Variants in CDH10 observed in about 807,000 individuals in gnomAD.
CDH10 encodes cadherin 10.
CDH10 carries 30 observed loss-of-function variants against 73.1 expected under a neutral mutation model. The ratio of observed to expected loss-of-function variants is 0.41; its 90% CI spans 0.31 to 0.56. CDH10 has a LOEUF of 0.56. Among genes scored for constraint, CDH10 ranks in the 20% least tolerant of loss-of-function variants. CDH10 has a pLI of 0.27. For synonymous variants in CDH10, 345 were observed against 348.2 expected, an observed-to-expected ratio of 0.99 and a Z score of 0.10; for missense variants, 815 against 973.7, an observed-to-expected ratio of 0.84 and a Z score of 2.17.
At chr5:24,633,600 G>T (rs1401120757) in intron 1 of CDH10, among the ~76,000 whole-genome samples, 1 of 151,878 alleles carries the variant, frequency 6.6e-6, no homozygotes, top group Non-Finnish European at 1.5e-5. Flanking sequence ...TTTTCCTTGA[G>T]AAGGTTAAAT....
intron 1 of CDH10, among the ~76,000 whole-genome samples, chr5:24,613,689 C>T (rs935259412): frequency 1.3e-5 from 2 of 151,982 alleles, no homozygotes; most frequent in Non-Finnish European, 2.9e-5. Flanking sequence ...AAATAAACTT[C>T]GAGGCACATG....
At chr5:24,589,205 G>A (rs1746122358) in intron 2 of CDH10, among the ~76,000 whole-genome samples, 1 of 152,132 alleles carries the variant, frequency 6.6e-6, no homozygotes, top group African/African-American at 2.4e-5. Flanking sequence ...GAGCCGACAA[G>A]TCTATAGAGA....
At chr5:24,569,040 G>A (rs187943984) in intron 2 of CDH10, among the ~76,000 whole-genome samples, 104 of 151,980 alleles carry the variant, frequency 6.8e-4, no homozygotes, top group Non-Finnish European at 1.2e-3. Context: ...AACACAAGAG[G>A]CGGAGCTTGC....
intron 8 of CDH10, 64 bp downstream of exon 8, chr5:24,505,048 C>A (rs2111724340): frequency 1.8e-6 from 2 of 1,109,956 alleles, no homozygotes; most frequent in Non-Finnish European, 1.3e-6. Flanking sequence ...ATATGTTAAA[C>A]TGCATAAAAT....
chr5:24,630,482 G>T (rs6869335), intron 1 of CDH10, among the ~76,000 whole-genome samples: 38,022 of 151,148 alleles, frequency 0.25, 5,791 homozygotes, highest in African/African-American at 0.43. Flanking sequence ...GAACCCAGGA[G>T]GCGGAAGCTG....
chr5:24,563,775 C>CA (rs56666966), intron 2 of CDH10, among the ~76,000 whole-genome samples: 541 of 128,554 alleles, frequency 4.2e-3, no homozygotes, highest in African/African-American at 5.9e-3. Flanking sequence ...CCCCCTCCAC[C>CA]AAAAAAAAAA....
intron 1 of CDH10, among the ~76,000 whole-genome samples, chr5:24,636,365 C>T (rs963910752): frequency 2.6e-5 from 4 of 151,864 alleles, no homozygotes; most frequent in African/African-American, 7.3e-5. Flanking sequence ...AGAGCACTTA[C>T]GTTAGGTTGA....
chr5:24,643,239 A>T (rs1012816050), intron 1 of CDH10, among the ~76,000 whole-genome samples: 1 of 152,082 alleles, frequency 6.6e-6, no homozygotes, highest in Admixed American at 6.6e-5. Flanking sequence ...CTAGGACATA[A>T]CCTCTTTCTT....
At chr5:24,559,124 T>A (rs1744868481) in intron 2 of CDH10, among the ~76,000 whole-genome samples, 1 of 46,540 alleles carries the variant, frequency 2.1e-5, no homozygotes, top group South Asian at 9.3e-4. Context: ...GTTTTATTAT[T>A]GTACACAAAT....
At chr5:24,599,342 T>A (rs1471005732) in intron 1 of CDH10, among the ~76,000 whole-genome samples, 1 of 151,782 alleles carries the variant, frequency 6.6e-6, no homozygotes, top group Non-Finnish European at 1.5e-5. Flanking sequence ...GAAGAGAGAG[T>A]TTGGGAGATT....
chr5:24,559,675 G>A (rs1343242382), intron 2 of CDH10, among the ~76,000 whole-genome samples: 33 of 151,974 alleles, frequency 2.2e-4, no homozygotes, highest in Admixed American at 2.2e-3. Context: ...AATGAAACAG[G>A]TGACAACAAT....
At chr5:24,513,926 C>T (rs1955289) in intron 5 of CDH10, among the ~76,000 whole-genome samples, 72,613 of 151,838 alleles carry the variant, frequency 0.48, 17,485 homozygotes, top group East Asian at 0.58. Context: ...GTAGTGCTCA[C>T]AATCACTTCT....
At chr5:24,533,377 A>G (rs1743818847) in intron 5 of CDH10, among the ~76,000 whole-genome samples, 1 of 151,906 alleles carries the variant, frequency 6.6e-6, no homozygotes, top group African/African-American at 2.4e-5. Context: ...ATAATGAGAC[A>G]AGATATGGGA....
intron 2 of CDH10, among the ~76,000 whole-genome samples, chr5:24,542,998 T>G (rs550589059): frequency 6.6e-6 from 1 of 152,236 alleles, no homozygotes; most frequent in African/African-American, 2.4e-5. Context: ...TAACTCTTAA[T>G]ATCGATTCAT....
At chr5:24,494,611 T>C (rs1372164902) in intron 9 of CDH10, among the ~76,000 whole-genome samples, 1 of 151,906 alleles carries the variant, frequency 6.6e-6, no homozygotes, top group East Asian at 1.9e-4. Flanking sequence ...TTAAAATAAA[T>C]TTACAAAGTA....
intron 1 of CDH10, among the ~76,000 whole-genome samples, chr5:24,619,475 G>C (rs1365840626): frequency 2.0e-5 from 3 of 152,146 alleles, no homozygotes; most frequent in Non-Finnish European, 2.9e-5. Flanking sequence ...TTACAGGCGT[G>C]AGCCACCGTG....
At chr5:24,533,728 C>A (rs17459189) in intron 5 of CDH10, among the ~76,000 whole-genome samples, 3,055 of 152,036 alleles carry the variant, frequency 0.02, 49 homozygotes, top group Middle Eastern at 0.1. Context: ...ACAGCACACA[C>A]CTTTAAACTT....
At position 24,487,670 on chromosome 5, in the gene CDH10, T is replaced by C. The variant is rs1741889003; in HGVS notation, c.2360A>G (p.Asp787Gly). The change falls in exon 12 of 12, where the codon GAC becomes GGC. Residue 787 changes from aspartate (D) to glycine (G), a missense_variant. Around this residue, in one of 3 missense-constraint regions of CDH10, gnomAD observed 241 missense variants for 240.3 expected, o/e 1.00. Coordinates refer to ENST00000264463, the MANE Select transcript of CDH10 (RefSeq NM_006727.5). ...CAGAACATATATCCTACGTTAAGAG[T>C]CTTTGTCACTTTCCCCACCACCATA... ...EMYGGGESDK[D>G]S The C allele has an allele frequency of 6.2e-7, 1 of 1,610,484 alleles. No homozygotes were observed.
intron 1 of CDH10, among the ~76,000 whole-genome samples, chr5:24,627,827 T>G: frequency 6.6e-6 from 1 of 152,056 alleles, no homozygotes; most frequent in Middle Eastern, 3.2e-3. Flanking sequence ...CAACGATAGC[T>G]TTACATATAC....
Sources: gnomAD v4.1 joint callset for allele counts (sites outside exome capture counted in the v4.1 genomes callset) on GRCh38, gnomAD v4.1.1 for gene constraint, gnomAD v4.1.1 regional missense constraint, MANE v1.5 for transcripts, NCBI Gene and HGNC (gene_info 2026-07-23, HGNC 2026-07-21) for gene names.